ADAMTS19: variants seen among roughly 807,000 people sequenced by gnomAD.
ADAMTS19 encodes ADAM metallopeptidase with thrombospondin type 1 motif 19, also known as A disintegrin and metalloproteinase with thrombospondin motifs 19.
A neutral mutation model predicts 153.3 loss-of-function variants in ADAMTS19; 93 were observed. That is an observed-to-expected ratio of 0.61 (90% CI 0.51 to 0.72). ADAMTS19 has a LOEUF of 0.72. Among genes scored for constraint, ADAMTS19 ranks in the 30% least tolerant of loss-of-function variants. The pLI is 0.00. For missense variants in ADAMTS19, 1,482 were observed against 1,552.1 expected, an observed-to-expected ratio of 0.95 and a Z score of 0.76; for synonymous variants, 600 against 556.6, an observed-to-expected ratio of 1.08 and a Z score of -1.10.
Position 129,461,306 on chromosome 5 carries a change from AG to A in ADAMTS19, c.297del (p.Glu99AspfsTer151). On this transcript the variant is annotated frameshift_variant, in exon 2 of 23. Transcript: ENST00000274487. LOFTEE classifies it high-confidence loss of function. This position sits in a 1 kb window ranked among gnomAD's most constrained non-coding sequence, Gnocchi z 4.6. Reference protein sequence around the residue: ...VRSVAPVPLEEPVEGRSESRL... With the variant: ...VRSVAPVPLEXPVEGRSESRL... Reference sequence around the variant, plus strand: ...TCTGTGGCTCCGGTGCCTTTGGAGGAGCCCGTGGAGGGCCGATCAGAGTCCC... The same window carrying A: ...TCTGTGGCTCCGGTGCCTTTGGAGGACCCGTGGAGGGCCGATCAGAGTCCC... 7.6e-7 allele frequency: 1 copy of A among 1,308,174 alleles called. No individual in the cohort carries two copies. Among genetic ancestry groups the A allele is most frequent in the Non-Finnish European group, 9.7e-7 (1 of 1,035,882 alleles). 81.0% of individuals were successfully genotyped at this position (1,308,174 alleles called of 1,614,324 possible).
At chr5:129,482,617 T>C (rs911536267) in intron 2 of ADAMTS19, among the ~76,000 whole-genome samples, 2 of 152,228 alleles carry the variant, frequency 1.3e-5, no homozygotes, top group Admixed American at 1.3e-4. Flanking sequence ...TGAGTTATCA[T>C]ACATGTTTGC....
chr5:129,724,953 A>G (rs1757145787), intron 21 of ADAMTS19, among the ~76,000 whole-genome samples: 1 of 152,070 alleles, frequency 6.6e-6, no homozygotes, highest in Non-Finnish European at 1.5e-5. Flanking sequence ...AATGTTGAAC[A>G]TATCTGGGCC....
intron 6 of ADAMTS19, among the ~76,000 whole-genome samples, chr5:129,529,559 T>C (rs747442057): frequency 2.0e-5 from 3 of 152,118 alleles, no homozygotes; most frequent in African/African-American, 7.2e-5. Flanking sequence ...CTTTTAGTCA[T>C]TGGAGAATGA....
chr5:129,653,011 C>A (rs1753383508), intron 13 of ADAMTS19, among the ~76,000 whole-genome samples: 1 of 152,088 alleles, frequency 6.6e-6, no homozygotes, highest in African/African-American at 2.4e-5. Flanking sequence ...GGCCATGTTC[C>A]AACTCCCCAA....
intron 2 of ADAMTS19, among the ~76,000 whole-genome samples, chr5:129,482,102 A>G (rs147695980): frequency 6.6e-6 from 1 of 152,304 alleles, no homozygotes; most frequent in East Asian, 1.9e-4. Flanking sequence ...TAGGAATTAT[A>G]GGAAATTTTG....
intron 11 of ADAMTS19, among the ~76,000 whole-genome samples, 159 bp from the exon 12 acceptor site, chr5:129,647,606 C>G (rs1034816222): frequency 1.3e-5 from 2 of 152,100 alleles, no homozygotes; most frequent in Non-Finnish European, 2.9e-5. Flanking sequence ...ATTACTATGA[C>G]AAAAAACAAG....
intron 2 of ADAMTS19, among the ~76,000 whole-genome samples, chr5:129,479,274 A>C (rs1226246737): frequency 6.6e-6 from 1 of 152,202 alleles, no homozygotes; most frequent in Non-Finnish European, 1.5e-5. Flanking sequence ...ATTGATGTGG[A>C]ATAAGTATAG....
At chr5:129,469,252 A>G (rs1340537953) in intron 2 of ADAMTS19, among the ~76,000 whole-genome samples, 1 of 152,166 alleles carries the variant, frequency 6.6e-6, no homozygotes, top group Non-Finnish European at 1.5e-5. Flanking sequence ...TAGACAACTA[A>G]CTTTTTAGTA....
At chr5:129,609,485 T>TGTGAAAAAAGAAA (rs1751093416) in intron 8 of ADAMTS19, among the ~76,000 whole-genome samples, 2 of 152,170 alleles carry the variant, frequency 1.3e-5, no homozygotes, top group Non-Finnish European at 2.9e-5. Flanking sequence ...TGGCCTTTCA[T>TGTGAAAAAAGAAA]TTTTCTGTTC....
intron 2 of ADAMTS19, among the ~76,000 whole-genome samples, chr5:129,469,062 T>C (rs1166928050): frequency 6.6e-6 from 1 of 152,056 alleles, no homozygotes; most frequent in African/African-American, 2.4e-5. Flanking sequence ...CAGGTGTGAG[T>C]CACCACACCA....
intron 6 of ADAMTS19, among the ~76,000 whole-genome samples, chr5:129,542,195 A>T (rs1465620926): frequency 1.3e-5 from 2 of 152,152 alleles, no homozygotes; most frequent in Non-Finnish European, 2.9e-5. Flanking sequence ...CAAAGAGGAA[A>T]GCTCTAGGCA....
Position 129,605,159 on chromosome 5 carries a change from C to G in ADAMTS19, c.1478+8495C>G, listed in dbSNP as rs146653306. Among the ~76,000 whole-genome samples the G allele has an allele frequency of 3.3e-5, 5 of 152,292 alleles. No homozygotes were observed. In the East Asian group the frequency reaches 9.6e-4, roughly 29 times the overall value. ...CCTTTTTAGCCTTTGCATCCTATAG[C>G]CTGTTTTCAAATTAGATTCAGGGAG... On this transcript the variant is annotated intron_variant, in intron 8 of 22. Transcript: ENST00000274487.
chr5:129,594,820 G>C (rs1750298664), intron 7 of ADAMTS19, among the ~76,000 whole-genome samples: 1 of 151,554 alleles, frequency 6.6e-6, no homozygotes. Context: ...CCCTCTCTGT[G>C]TATCCTTACC....
At position 129,724,215 on chromosome 5, in the gene ADAMTS19, A is replaced by C. The variant is rs967066378; in HGVS notation, c.3313-10717A>C. On this transcript the variant is annotated intron_variant, in intron 21 of 22. Transcript: ENST00000274487. Reference sequence around the variant, plus strand: ...ATTTTTCCCACAAGAGCAGCTTTGCATGGCCATTTCAAAATATGTCAAGAA... The same window carrying C: ...ATTTTTCCCACAAGAGCAGCTTTGCCTGGCCATTTCAAAATATGTCAAGAA... Among the ~76,000 whole-genome samples the C allele has an allele frequency of 3.3e-4, 51 of 152,246 alleles. 1 individual carries two copies. Among genetic ancestry groups the C allele is most frequent in the Admixed American group, 3.3e-3 (51 of 15,282 alleles).
Position 129,596,788 on chromosome 5 carries a change from C to T in ADAMTS19, c.1478+124C>T, listed in dbSNP as rs1750401120. 1.2e-5 allele frequency: 8 copies of T among 655,690 alleles called. No individual in the cohort carries two copies. The South Asian group carries it at 1.5e-4, about 12-fold the overall frequency. The allele number at this position is 655,690 out of a possible 1,614,324, so 40.6% of individuals were successfully genotyped here. ...TCAAGTTTTTGAAAAACTAGGGAGA[C>T]AAGAAGGGGTGAAGACTGACTACAT... On this transcript the variant is annotated intron_variant, in intron 8 of 22. Transcript: ENST00000274487.
intron 7 of ADAMTS19, among the ~76,000 whole-genome samples, chr5:129,558,281 A>T (rs1753382241): frequency 6.6e-6 from 1 of 152,118 alleles, no homozygotes; most frequent in South Asian, 2.1e-4. Flanking sequence ...TAAAGAAAAA[A>T]CAGATTATAG....
intron 3 of ADAMTS19, among the ~76,000 whole-genome samples, chr5:129,511,023 A>G (rs1337264186): frequency 3.3e-5 from 5 of 151,816 alleles, no homozygotes; most frequent in African/African-American, 7.2e-5. Context: ...TTTAAAAATC[A>G]TTTAAAAATT....
At chr5:129,508,874 A>G (rs1751346367) in intron 2 of ADAMTS19, among the ~76,000 whole-genome samples, 1 of 152,014 alleles carries the variant, frequency 6.6e-6, no homozygotes, top group Non-Finnish European at 1.5e-5. Flanking sequence ...AACTAAATGA[A>G]GTTTATGTTA....
intron 7 of ADAMTS19, among the ~76,000 whole-genome samples, chr5:129,587,622 G>A (rs1749883085): frequency 6.6e-6 from 1 of 152,152 alleles, no homozygotes; most frequent in African/African-American, 2.4e-5. Context: ...CGGCTCTTCA[G>A]AGGTTTGGGG....
Sources: allele counts gnomAD v4.1 joint callset (sites outside exome capture counted in the v4.1 genomes callset), GRCh38; gene constraint gnomAD v4.1.1; non-coding constraint Gnocchi (gnomAD v3.1); transcripts MANE v1.5; gene names NCBI Gene and HGNC (gene_info 2026-07-23, HGNC 2026-07-21).